The following MEIS1 variants were observed in gnomAD, a reference collection of about 807,000 sequenced individuals.
The protein encoded by MEIS1 is Meis homeobox 1.
In MEIS1, 5 loss-of-function variants were observed where a neutral mutation model predicts 50.8. The ratio of observed to expected loss-of-function variants is 0.10; its 90% CI spans 0.05 to 0.21. MEIS1 has a LOEUF of 0.21. MEIS1 is among the 10% of genes least tolerant of loss of function. The pLI is 1.00. For missense variants in MEIS1, 318 were observed against 517.3 expected (o/e 0.61, Z 3.74); for synonymous variants, 176 against 179.3 (o/e 0.98, Z 0.15).
At chr2:66,523,325 G>T (rs1264698291) in intron 8 of MEIS1, among the ~76,000 whole-genome samples, 1 of 152,190 alleles carries the variant, frequency 6.6e-6, no homozygotes, top group African/African-American at 2.4e-5. Flanking sequence ...AAGTATTAAT[G>T]CTTGAAAAAC....
chr2:66,452,776 A>G (rs1319289805), intron 6 of MEIS1, among the ~76,000 whole-genome samples: 3 of 151,872 alleles, frequency 2.0e-5, no homozygotes, highest in African/African-American at 7.2e-5. Context: ...CTGTTTGTGT[A>G]TTTGGTGGCT....
chr2:66,468,532 C>T (rs1263922640), intron 7 of MEIS1, among the ~76,000 whole-genome samples: 2 of 152,184 alleles, frequency 1.3e-5, no homozygotes, highest in African/African-American at 4.8e-5. Context: ...GTCACGGAGG[C>T]TCAGAGCGAT....
intron 7 of MEIS1, among the ~76,000 whole-genome samples, chr2:66,511,103 C>T (rs1048838563): frequency 1.3e-5 from 2 of 152,052 alleles, no homozygotes; most frequent in African/African-American, 4.8e-5. Flanking sequence ...AACGGTTGAC[C>T]GAGCTAAGCT....
intron 6 of MEIS1, among the ~76,000 whole-genome samples, chr2:66,459,975 C>G (rs1672481453): frequency 1.3e-5 from 2 of 152,050 alleles, no homozygotes; most frequent in African/African-American, 4.8e-5. Flanking sequence ...GAAATCAAAC[C>G]ACTGTGGAGG....
chr2:66,544,624 C>T (rs939877234), intron 8 of MEIS1, among the ~76,000 whole-genome samples: 4 of 152,080 alleles, frequency 2.6e-5, no homozygotes, highest in Non-Finnish European at 5.9e-5. Context: ...CAGGCTCATT[C>T]ATTTGTATTA....
intron 8 of MEIS1, among the ~76,000 whole-genome samples, chr2:66,541,379 G>A (rs555468737): frequency 2.8e-4 from 43 of 152,142 alleles, no homozygotes; most frequent in Non-Finnish European, 5.7e-4. Context: ...ATAAAACAAT[G>A]TCTTTACTAC....
chr2:66,446,822 G>A (rs902473737), intron 6 of MEIS1, among the ~76,000 whole-genome samples: 46 of 152,372 alleles, frequency 3.0e-4, no homozygotes, highest in African/African-American at 1.1e-3. Flanking sequence ...GAGAGCGCAG[G>A]GCCGCCAGGC....
chr2:66,532,100 T>C (rs745362873), intron 8 of MEIS1, among the ~76,000 whole-genome samples: 38 of 152,272 alleles, frequency 2.5e-4, no homozygotes, highest in Non-Finnish European at 4.7e-4. Flanking sequence ...TCTGTTCCTA[T>C]GGGAATTAGT....
chr2:66,438,935 T>G (rs894167199), intron 2 of MEIS1, among the ~76,000 whole-genome samples: 15 of 152,104 alleles, frequency 9.9e-5, no homozygotes, highest in African/African-American at 3.6e-4. Flanking sequence ...TACAAGTGGT[T>G]TAGGCTCTGG....
intron 6 of MEIS1, among the ~76,000 whole-genome samples, chr2:66,451,041 G>A (rs1161937889): frequency 2.6e-5 from 4 of 151,850 alleles, no homozygotes; most frequent in African/African-American, 7.3e-5. Context: ...GTTTGTTTTC[G>A]TGAGAAAATG....
chr2:66,473,100 C>T (rs931452655), intron 7 of MEIS1, among the ~76,000 whole-genome samples: 18 of 151,894 alleles, frequency 1.2e-4, no homozygotes, highest in East Asian at 3.9e-4. Context: ...AATATAAGGC[C>T]GGGCGCGGTG....
chr2:66,518,120 G>A (rs898765713), intron 8 of MEIS1, among the ~76,000 whole-genome samples: 8 of 152,160 alleles, frequency 5.3e-5, no homozygotes, highest in Admixed American at 4.6e-4. Context: ...CCTCTGACCT[G>A]GGGTAATTAC....
intron 11 of MEIS1, 138 bp downstream of exon 11, chr2:66,568,894 A>G: frequency 1.9e-6 from 2 of 1,068,372 alleles, no homozygotes; most frequent in Non-Finnish European, 2.9e-6. Context: ...CTGTGCATCT[A>G]AGATATTGCA....
intron 2 of MEIS1, 93 bp from the exon 3 acceptor site, chr2:66,439,750 C>T (rs1285557842): frequency 1.9e-6 from 3 of 1,602,292 alleles, no homozygotes; most frequent in Non-Finnish European, 2.6e-6. Context: ...GGGTCTGTTC[C>T]TCTTGCTCCT....
intron 8 of MEIS1, among the ~76,000 whole-genome samples, chr2:66,526,651 G>A (rs1339165683): frequency 6.6e-6 from 1 of 152,114 alleles, no homozygotes; most frequent in Non-Finnish European, 1.5e-5. Flanking sequence ...TTGGGTGTAG[G>A]CATTTATAAT....
chr2:66,441,479 C>G lies in MEIS1; in HGVS notation c.483+15C>G. 6.5e-7 allele frequency: 1 copy of G among 1,536,160 alleles called. No homozygotes were observed. Among genetic ancestry groups the G allele is most frequent in the Non-Finnish European group, 8.8e-7 (1 of 1,140,318 alleles). ...AATTAGAGAAGGTAATTTCTCTAGCCTCTTTTCCTTTTACTTACCCCTTAC... is the reference window on the plus strand; with the variant it reads ...AATTAGAGAAGGTAATTTCTCTAGCGTCTTTTCCTTTTACTTACCCCTTAC... On this transcript the variant is annotated intron_variant, in intron 5 of 12. Coordinates refer to ENST00000272369, the MANE Select transcript of MEIS1 (RefSeq NM_002398.3).
chr2:66,438,066 C>A, intron 2 of MEIS1, 103 bp downstream of exon 2: 3 of 1,065,132 alleles, frequency 2.8e-6, no homozygotes, highest in East Asian at 5.2e-5. Context: ...ATTGGAGGTA[C>A]ATCTTTGGTG....
At chr2:66,456,641 G>T (rs779092979) in intron 6 of MEIS1, among the ~76,000 whole-genome samples, 37 of 152,328 alleles carry the variant, frequency 2.4e-4, no homozygotes, top group Non-Finnish European at 4.9e-4. Context: ...ATTAAAAAAG[G>T]GTTCAACAAG....
At position 66,566,165 on chromosome 2, in the gene MEIS1, G is replaced by A. The variant is rs186690010; in HGVS notation, c.966-1288G>A. 7.2e-5 allele frequency among the ~76,000 whole-genome samples: 11 copies of A among 152,250 alleles called. No homozygotes were observed. The East Asian group carries it at 1.5e-3, about 21-fold the overall frequency. ...TTGCCAACAAGAATTAGCACAAACA[G>A]TATACCTTTTAGTTAGATTCTAGTT... On this transcript the variant is annotated intron_variant, in intron 9 of 12. Coordinates refer to ENST00000272369, the MANE Select transcript of MEIS1 (RefSeq NM_002398.3).
Sources: gnomAD v4.1 joint callset for allele counts (sites outside exome capture counted in the v4.1 genomes callset) on GRCh38, gnomAD v4.1.1 for gene constraint, MANE v1.5 for transcripts, NCBI Gene and HGNC (gene_info 2026-07-23, HGNC 2026-07-21) for gene names.